ABCA13: variants seen among roughly 807,000 people sequenced by gnomAD.
ABCA13 encodes the protein ATP binding cassette subfamily A member 13, also known as ATP-binding cassette sub-family A member 13.
A neutral mutation model predicts 478.7 loss-of-function variants in ABCA13; 476 were observed. The ratio of observed to expected loss-of-function variants is 0.99; its 90% CI spans 0.92 to 1.07. The LOEUF is 1.07. ABCA13 is among the 50% of genes least tolerant of loss of function. ABCA13 has a pLI of 0.00. For missense variants in ABCA13, 6,060 were observed against 5,910.6 expected, an observed-to-expected ratio of 1.03 and a Z score of -0.83; for synonymous variants, 2,252 against 2,158.9, an observed-to-expected ratio of 1.04 and a Z score of -1.20.
At chr7:48,476,792 G>A (rs1828142980) in intron 45 of ABCA13, among the ~76,000 whole-genome samples, 2 of 152,236 alleles carry the variant, frequency 1.3e-5, no homozygotes, top group South Asian at 4.1e-4. Flanking sequence ...CATGGCATGT[G>A]CTTAACAAGC....
chr7:48,337,088 T>C (rs1806382246), intron 28 of ABCA13, among the ~76,000 whole-genome samples: 2 of 152,336 alleles, frequency 1.3e-5, no homozygotes, highest in South Asian at 2.1e-4. Flanking sequence ...GAAGAACTTA[T>C]CTTCCAAAGG....
chr7:48,267,164 G>C (rs1252507355), intron 15 of ABCA13, among the ~76,000 whole-genome samples: 1 of 151,940 alleles, frequency 6.6e-6, no homozygotes, highest in African/African-American at 2.4e-5. Context: ...TTGTTGGGTG[G>C]CATTTTTTTA....
At chr7:48,177,833 G>A (rs1006182564) in intron 1 of ABCA13, among the ~76,000 whole-genome samples, 2 of 152,190 alleles carry the variant, frequency 1.3e-5, no homozygotes, top group Non-Finnish European at 2.9e-5. Flanking sequence ...TCATTAAATC[G>A]GGAGCCTGTG....
intron 18 of ABCA13, among the ~76,000 whole-genome samples, chr7:48,280,143 A>G (rs139330992): frequency 4.9e-4 from 74 of 152,334 alleles, no homozygotes; most frequent in African/African-American, 1.7e-3. Context: ...TTTATTCAAA[A>G]TATTTCAAAA....
intron 7 of ABCA13, among the ~76,000 whole-genome samples, chr7:48,231,306 A>G (rs540161481): frequency 1.8e-4 from 27 of 152,350 alleles, no homozygotes; most frequent in Non-Finnish European, 2.4e-4. Flanking sequence ...CATCTGCTTC[A>G]GGAAAAACTT....
intron 55 of ABCA13, among the ~76,000 whole-genome samples, chr7:48,529,897 GTAA>G (rs565422670): frequency 2.0e-5 from 3 of 152,104 alleles, no homozygotes; most frequent in Non-Finnish European, 4.4e-5. Flanking sequence ...TTTCTCTACA[GTAA>G]TGTCTCCTTT....
At chr7:48,454,628 C>T (rs1417803488) in intron 42 of ABCA13, among the ~76,000 whole-genome samples, 1 of 152,050 alleles carries the variant, frequency 6.6e-6, no homozygotes, top group Non-Finnish European at 1.5e-5. Context: ...GAAAAGCAGG[C>T]CGTGGGGTTA....
chr7:48,594,644 T>C, intron 57 of ABCA13, 66 bp from the exon 58 acceptor site: 6 of 1,458,376 alleles, frequency 4.1e-6, no homozygotes, highest in Non-Finnish European at 5.8e-6. Context: ...TGGCCTCCCA[T>C]GTCATTGTGT....
At chr7:48,297,786 CTT>C (rs11393352) in intron 22 of ABCA13, among the ~76,000 whole-genome samples, 6 of 141,966 alleles carry the variant, frequency 4.2e-5, no homozygotes, top group Non-Finnish European at 3.1e-5. Flanking sequence ...TTCTTTCTTT[CTT>C]TTTTTTTTTT....
chr7:48,591,967 CTCTGGTTAGGACT>C (rs1382944890), intron 57 of ABCA13, among the ~76,000 whole-genome samples: 1 of 151,890 alleles, frequency 6.6e-6, no homozygotes, highest in African/African-American at 2.4e-5. Context: ...TGACTAATTG[CTCTGGTTAGGACT>C]TCTAGTATTA....
intron 48 of ABCA13, among the ~76,000 whole-genome samples, chr7:48,492,092 C>A (rs1829892204): frequency 6.6e-6 from 1 of 152,190 alleles, no homozygotes; most frequent in African/African-American, 2.4e-5. Flanking sequence ...ATGCAGGCCG[C>A]TTGATAAGAA....
At chr7:48,297,362 C>G in intron 22 of ABCA13, 51 bp downstream of exon 22, 2 of 1,452,394 alleles carry the variant, frequency 1.4e-6, no homozygotes, top group Non-Finnish European at 1.9e-6. Flanking sequence ...AATTTAGTTT[C>G]TCATGCAAAT....
intron 29 of ABCA13, among the ~76,000 whole-genome samples, 182 bp from the exon 30 acceptor site, chr7:48,350,461 T>C (rs1396034230): frequency 6.6e-6 from 1 of 152,096 alleles, no homozygotes; most frequent in Non-Finnish European, 1.5e-5. Context: ...AAGTGTAGAG[T>C]TTACACTCAG....
chr7:48,473,176 T>C (rs1411593682), intron 45 of ABCA13, among the ~76,000 whole-genome samples: 3 of 152,084 alleles, frequency 2.0e-5, no homozygotes, highest in Non-Finnish European at 4.4e-5. Context: ...TCCCACAACA[T>C]GTGGGAGTAC....
In ABCA13 at chr7:48,647,002, T is replaced by G. The variant is rs1795473850; in HGVS notation, c.*1490T>G. ...AAATCAATCCACTACTGAAATAGTT[T>G]CCAGTCAGACATTTCTGAGTTCAGA... On this transcript the variant is annotated 3_prime_UTR_variant, in exon 62 of 62. Transcript: ENST00000435803. 1 of 152,192 alleles carries G rather than the reference T, an allele frequency of 6.6e-6. No individual in the cohort carries two copies. Among genetic ancestry groups the G allele is most frequent in the Non-Finnish European group, 1.5e-5 (1 of 68,028 alleles). 9.4% of individuals were successfully genotyped at this position (152,192 alleles called of 1,614,324 possible).
intron 59 of ABCA13, among the ~76,000 whole-genome samples, chr7:48,637,381 C>CAAAAAAAAAAAAAAAAAAAAAAAAAAAA (rs1156643955): frequency 4.9e-5 from 1 of 20,258 alleles, no homozygotes; most frequent in Non-Finnish European, 8.6e-5. Flanking sequence ...GTTCATAAAG[C>CAAAAAAAAAAAAAAAAAAAAAAAAAAAA]AAAAAAAAAA....
chr7:48,574,853 A>G (rs563362734), intron 55 of ABCA13, among the ~76,000 whole-genome samples: 37 of 152,244 alleles, frequency 2.4e-4, no homozygotes, highest in African/African-American at 8.7e-4. Flanking sequence ...TAGTCTTTAA[A>G]TAGATTTTTC....
Position 48,352,295 on chromosome 7 carries a change from A to T in ABCA13, c.10496A>T (p.Asp3499Val). The change falls in exon 31 of 62, where the codon GAT (aspartate) becomes GTT (valine). Residue 3499 changes from aspartate (D) to valine (V), a missense_variant. Coordinates refer to ENST00000435803, the MANE Select transcript of ABCA13 (RefSeq NM_152701.5). ...AATGTGTTATACAGCGTGCGAACAG[A>T]TGTGGTAAAAAACCCTTCTTGGAAG... ...RTNVLYSVRT[D>V]VVKNPSWKFH... 4 of 1,613,874 alleles carry T rather than the reference A, an allele frequency of 2.5e-6. No individual in the cohort carries two copies. Among genetic ancestry groups the T allele is most frequent in the African/African-American group, 1.3e-5 (1 of 74,898 alleles).
intron 40 of ABCA13, among the ~76,000 whole-genome samples, chr7:48,411,047 C>CTT (rs753295685): frequency 8.4e-5 from 5 of 59,338 alleles, no homozygotes; most frequent in African/African-American, 3.0e-4. Flanking sequence ...TTCTTTCTTT[C>CTT]TTTTTCTTTC....
Sources: gnomAD v4.1 joint callset for allele counts (sites outside exome capture counted in the v4.1 genomes callset) on GRCh38, gnomAD v4.1.1 for gene constraint, MANE v1.5 for transcripts, NCBI Gene and HGNC (gene_info 2026-07-23, HGNC 2026-07-21) for gene names.